The following ZNF90 variants were observed in gnomAD, a reference collection of about 807,000 sequenced individuals.
ZNF90 encodes zinc finger protein HTF9.
In ZNF90, 11 loss-of-function variants were observed where a neutral mutation model predicts 12.0. That is an observed-to-expected ratio of 0.92 (90% CI 0.58 to 1.52). ZNF90 has a LOEUF of 1.52. ZNF90 is among the 40% of genes most tolerant of loss of function. The pLI is 0.00. For missense variants in ZNF90, 765 were observed against 711.5 expected (o/e 1.08, Z -0.86); for synonymous variants, 232 against 240.1 (o/e 0.97, Z 0.31).
At chr19:20,105,421 A>C in intron 3 of ZNF90, 105 bp downstream of exon 3, 1 of 891,204 alleles carries the variant, frequency 1.1e-6, no homozygotes, top group Non-Finnish European at 1.7e-6. Context: ...TGTGTTCCAA[A>C]GAGAATAGTT....
chr19:20,079,765 A>G (rs986103413), intron 1 of ZNF90: 8 of 218,068 alleles, frequency 3.7e-5, no homozygotes, highest in South Asian at 3.2e-4. Context: ...GAAAAGTTTC[A>G]TTGAGAAATA....
chr19:20,090,409 A>G (rs1475321531), intron 1 of ZNF90, among the ~76,000 whole-genome samples: 1 of 151,598 alleles, frequency 6.6e-6, no homozygotes, highest in African/African-American at 2.4e-5. Context: ...TAAGTGGGGG[A>G]GAGTACTTGT....
At chr19:20,099,758 G>A (rs2088975083) in intron 1 of ZNF90, among the ~76,000 whole-genome samples, 1 of 152,200 alleles carries the variant, frequency 6.6e-6, no homozygotes, top group Admixed American at 6.5e-5. Context: ...AAAAGCAGGG[G>A]CCATTGTACA....
intron 1 of ZNF90, among the ~76,000 whole-genome samples, chr19:20,094,016 C>T (rs1555703019): frequency 6.6e-6 from 1 of 152,184 alleles, no homozygotes; most frequent in African/African-American, 2.4e-5. Flanking sequence ...ACAGATGGGA[C>T]ATGGCTTGGG....
Position 20,095,563 on chromosome 19 carries a change from G to A in ZNF90, c.4-8676G>A, listed in dbSNP as rs536088443. On this transcript the variant is annotated intron_variant, in intron 1 of 3. Coordinates refer to ENST00000418063, the MANE Select transcript of ZNF90 (RefSeq NM_007138.2). ...TCTTACCCTCCAGAAAAGCAGGAAGGGGGGTCAGGGCATGGAAATAAGGGA... is the reference window on the plus strand; with the variant it reads ...TCTTACCCTCCAGAAAAGCAGGAAGAGGGGTCAGGGCATGGAAATAAGGGA... 1.5e-3 allele frequency among the ~76,000 whole-genome samples: 235 copies of A among 152,128 alleles called. 1 individual carries two copies. Among genetic ancestry groups the A allele is most frequent in the African/African-American group, 5.4e-3 (222 of 41,492 alleles).
chr19:20,120,726 G>A lies in ZNF90; in HGVS notation c.*1366G>A, dbSNP rs532301059. On this transcript the variant is annotated 3_prime_UTR_variant, in exon 4 of 4. Coordinates refer to ENST00000418063, the MANE Select transcript of ZNF90 (RefSeq NM_007138.2). ...AAAGAATCCACAACAAAAATTGTTA[G>A]ATAAATTATATATAGCTTTAAAAGG... 4 of 152,268 alleles carry A rather than the reference G, an allele frequency of 2.6e-5. No individual in the cohort carries two copies. The highest frequency in any genetic ancestry group is 7.2e-5 in the African/African-American group (3 of 41,574). 9.4% of individuals were successfully genotyped at this position (152,268 alleles called of 1,614,324 possible).
intron 1 of ZNF90, among the ~76,000 whole-genome samples, chr19:20,099,180 CTTTT>C (rs111955434): frequency 6.1e-5 from 9 of 146,730 alleles, no homozygotes; most frequent in African/African-American, 9.9e-5. Flanking sequence ...TATTATTATG[CTTTT>C]TTTTTTTGAG....
Position 20,120,585 on chromosome 19 carries a change from C to A in ZNF90, c.*1225C>A, listed in dbSNP as rs1302257932. Reference sequence around the variant, plus strand: ...ATACTAAAATATATGTTTGCAGAAACAGTAAATATAAAAAATATTTAATTC... The same window carrying A: ...ATACTAAAATATATGTTTGCAGAAAAAGTAAATATAAAAAATATTTAATTC... On this transcript the variant is annotated 3_prime_UTR_variant, in exon 4 of 4. Coordinates refer to ENST00000418063, the MANE Select transcript of ZNF90 (RefSeq NM_007138.2). 6.6e-6 allele frequency among the ~76,000 whole-genome samples: 1 copy of A among 151,948 alleles called. No homozygotes were observed. Among genetic ancestry groups the A allele is most frequent in the Non-Finnish European group, 1.5e-5 (1 of 67,998 alleles).
chr19:20,096,814 G>A (rs2088950951), intron 1 of ZNF90, among the ~76,000 whole-genome samples: 2 of 152,180 alleles, frequency 1.3e-5, no homozygotes, highest in African/African-American at 2.4e-5. Flanking sequence ...CAGGAGTGCT[G>A]TAGCCCCCTG....
At chr19:20,097,744 C>T (rs2088960060) in intron 1 of ZNF90, among the ~76,000 whole-genome samples, 1 of 152,274 alleles carries the variant, frequency 6.6e-6, no homozygotes, top group East Asian at 1.9e-4. Flanking sequence ...CTGAAAAGTG[C>T]AAGTACTTTT....
At chr19:20,115,855 G>A (rs1452136865) in intron 3 of ZNF90, among the ~76,000 whole-genome samples, 1 of 151,868 alleles carries the variant, frequency 6.6e-6, no homozygotes, top group African/African-American at 2.4e-5. Flanking sequence ...TTCACTTACT[G>A]TATATTATTA....
At chr19:20,083,731 T>C (rs2088838522) in intron 1 of ZNF90, among the ~76,000 whole-genome samples, 1 of 152,194 alleles carries the variant, frequency 6.6e-6, no homozygotes, top group South Asian at 2.1e-4. Flanking sequence ...GATGTTTATG[T>C]ATCATATTTT....
intron 1 of ZNF90, among the ~76,000 whole-genome samples, chr19:20,099,411 C>T (rs1313852948): frequency 1.3e-5 from 2 of 152,188 alleles, no homozygotes; most frequent in African/African-American, 4.8e-5. Context: ...ACTGAATACC[C>T]ATTGTGGTTT....
At chr19:20,079,122 A>C (rs2088801280) in intron 1 of ZNF90, among the ~76,000 whole-genome samples, 1 of 151,722 alleles carries the variant, frequency 6.6e-6, no homozygotes. Context: ...CCTCAAAAAA[A>C]AAAAAAAAAA....
chr19:20,113,552 G>A (rs1457290791), intron 3 of ZNF90, among the ~76,000 whole-genome samples: 5 of 151,930 alleles, frequency 3.3e-5, no homozygotes, highest in South Asian at 4.1e-4. Context: ...TAATCTTGCC[G>A]TGTGCGGTGG....
intron 1 of ZNF90, among the ~76,000 whole-genome samples, chr19:20,082,913 C>A (rs2088831069): frequency 1.3e-5 from 2 of 152,062 alleles, no homozygotes; most frequent in African/African-American, 4.8e-5. Context: ...GAGAAAACCC[C>A]CTTAACGCTG....
chr19:20,094,671 G>T (rs1470561689), intron 1 of ZNF90, among the ~76,000 whole-genome samples: 1 of 152,110 alleles, frequency 6.6e-6, no homozygotes, highest in Non-Finnish European at 1.5e-5. Flanking sequence ...GCATGAGATT[G>T]GGCTAGAGAA....
chr19:20,093,920 G>A (rs1030692955), intron 1 of ZNF90, among the ~76,000 whole-genome samples: 1 of 152,232 alleles, frequency 6.6e-6, no homozygotes, highest in Admixed American at 6.5e-5. Context: ...GAAGGAGTCA[G>A]TCAGAGAGCC....
chr19:20,106,044 C>CATTGTT (rs1555704366), intron 3 of ZNF90, among the ~76,000 whole-genome samples: 6 of 71,054 alleles, frequency 8.4e-5, no homozygotes, highest in African/African-American at 2.7e-4. Flanking sequence ...CTAATTTTTT[C>CATTGTT]TTTTTTTTTT....
Sources: allele counts gnomAD v4.1 joint callset (sites outside exome capture counted in the v4.1 genomes callset), GRCh38; gene constraint gnomAD v4.1.1; transcripts MANE v1.5; gene names NCBI Gene and HGNC (gene_info 2026-07-23, HGNC 2026-07-21).